PLAC1: variants seen among roughly 807,000 people sequenced by gnomAD.
The protein encoded by PLAC1 is placenta associated 1.
For synonymous variants in PLAC1, 68 were observed against 62.1 expected (o/e 1.09, Z -0.44); for missense variants, 136 against 163.2 (o/e 0.83, Z 0.91).
chrX:134,590,543 G>C (rs2078033606), intron 2 of PLAC1, among the ~76,000 whole-genome samples: 1 of 112,308 alleles, frequency 8.9e-6, no homozygotes, highest in African/African-American at 3.2e-5. Flanking sequence ...TTATATGCAA[G>C]TGTTATAATA....
chrX:134,759,552 C>A (rs1233632683), intron 1 of PLAC1, among the ~76,000 whole-genome samples: 1 of 111,469 alleles, frequency 9.0e-6, no homozygotes. Context: ...GCCATTTGAT[C>A]TAACAATCCC....
chrX:134,633,138 CTT>C (rs1046978947), intron 1 of PLAC1, among the ~76,000 whole-genome samples: 8 of 111,635 alleles, frequency 7.2e-5, no homozygotes, highest in African/African-American at 2.3e-4. Flanking sequence ...TCTTCCCCGT[CTT>C]GTCTCCCCCT....
chrX:134,582,094 A>T (rs2077977907), intron 2 of PLAC1, among the ~76,000 whole-genome samples: 1 of 112,459 alleles, frequency 8.9e-6, no homozygotes, highest in African/African-American at 3.2e-5. Context: ...ATGACTCCAA[A>T]CAGGGAATGG....
chrX:134,669,769 C>T (rs1433304009), intron 2 of PLAC1, among the ~76,000 whole-genome samples: 2 of 112,298 alleles, frequency 1.8e-5, no homozygotes, highest in Admixed American at 9.3e-5. Flanking sequence ...TCCGCAGTAG[C>T]GGAAGACAAG....
rs1569414677 is a variant in PLAC1 at position 134,750,863 on chromosome X, TTATATATATATATTTATAAA to T, written n.89+13351_89+13370del. Among the ~76,000 whole-genome samples the T allele has an allele frequency of 5.7e-3, 109 of 19,138 alleles. 36 individuals are homozygous for T. Among genetic ancestry groups the T allele is most frequent in the African/African-American group, 0.053 (107 of 2,035 alleles). The allele number at this position is 19,138 out of a possible 115,157, so 16.6% of individuals were successfully genotyped here. ...TATATATATTTATATATATATATTT[TTATATATATATATTTATAAA>T]TATATATATATATATTTATATATAT... On this transcript the variant is annotated intron_variant and non_coding_transcript_variant, in intron 1 of 2. Coordinates refer to the PLAC1 transcript ENST00000466797.
chrX:134,613,146 C>T (rs1178125388), intron 1 of PLAC1, among the ~76,000 whole-genome samples: 1 of 110,348 alleles, frequency 9.1e-6, no homozygotes, highest in African/African-American at 3.3e-5. Context: ...ATAGTGAGGC[C>T]CCATCTCCAA....
intron 2 of PLAC1, among the ~76,000 whole-genome samples, chrX:134,708,344 G>C (rs926608041): frequency 1.8e-5 from 2 of 111,155 alleles, no homozygotes; most frequent in African/African-American, 6.6e-5. Flanking sequence ...TGAATCTCCA[G>C]GGAATGAAGA....
At chrX:134,762,821 C>CAAA (rs60721487) in intron 1 of PLAC1, among the ~76,000 whole-genome samples, 15 of 14,817 alleles carry the variant, frequency 1.0e-3, no homozygotes, top group African/African-American at 1.7e-3. Context: ...GGCTCTATCT[C>CAAA]AAAAAAAAAA....
At chrX:134,663,432 A>ATGTG (rs10668252), upstream of PLAC1, among the ~76,000 whole-genome samples, 209 of 108,448 alleles carry the variant, frequency 1.9e-3, 1 homozygote, top group East Asian at 0.03. Context: ...AAATAAAGAT[A>ATGTG]TGTGTGTGTG....
At chrX:134,757,274 A>T (rs1048274636) in intron 1 of PLAC1, among the ~76,000 whole-genome samples, 1 of 113,202 alleles carries the variant, frequency 8.8e-6, no homozygotes, top group African/African-American at 3.2e-5. Context: ...TGGTCAAGTG[A>T]TCCAACTTGG....
At chrX:134,685,446 TC>T (rs1428660584) in intron 2 of PLAC1, among the ~76,000 whole-genome samples, 1 of 91,116 alleles carries the variant, frequency 1.1e-5, no homozygotes, top group African/African-American at 3.9e-5. Flanking sequence ...CAAAATGGCG[TC>T]CCTTTTTTTT....
rs777840518 is a variant in PLAC1, at chrX:134,654,538, T to C, written c.-131+3790A>G. 2.7e-5 allele frequency among the ~76,000 whole-genome samples: 3 copies of C among 112,121 alleles called. No homozygotes were observed. In the East Asian group the frequency reaches 8.4e-4, roughly 32 times the overall value. ...AGAATGAGACAGATCTACACGTGGT[T>C]ATATGGAACAGTCAGGGTGTGCCTG... is the stretch of plus-strand genomic sequence containing the variant. On this transcript the variant is annotated intron_variant, in intron 1 of 2. Coordinates refer to ENST00000359237, the MANE Select transcript of PLAC1 (RefSeq NM_021796.4).
chrX:134,692,535 A>G (rs1248399160), intron 2 of PLAC1, among the ~76,000 whole-genome samples: 1 of 111,741 alleles, frequency 8.9e-6, no homozygotes, highest in Admixed American at 9.5e-5. Context: ...ATTTAGGAAA[A>G]TGTTCAAAAA....
Position 134,566,286 on chromosome X carries a change from C to G in PLAC1, c.397G>C (p.Ala133Pro), listed in dbSNP as rs1448603217. The change falls in exon 3 of 3, where the codon GCC (alanine) becomes CCC (proline). Residue 133 changes from alanine (A) to proline (P), a missense_variant. By Grantham distance (27) the Ala-to-Pro change is conservative. Transcript: ENST00000359237. ...TGGGCTGTGGCCCTGCTCTTGCTGG[C>G]TACTCTCATGGAGCAGGGCTTGGTG... Reference protein sequence around the residue: ...WLTKPCSMRVASKSRATAQKD... With the variant: ...WLTKPCSMRVPSKSRATAQKD... 2 of 1,210,224 alleles carry G rather than the reference C, an allele frequency of 1.7e-6. No individual in the cohort carries two copies. Among genetic ancestry groups the G allele is most frequent in the African/African-American group, 3.5e-5 (2 of 57,223 alleles).
At chrX:134,724,487 C>T (rs1438099456) in intron 2 of PLAC1, among the ~76,000 whole-genome samples, 4 of 112,418 alleles carry the variant, frequency 3.6e-5, no homozygotes, top group Non-Finnish European at 7.5e-5. Flanking sequence ...TCACATCTTC[C>T]TCAAGTGCAC....
chrX:134,580,632 G>C (rs2077969438), intron 2 of PLAC1, among the ~76,000 whole-genome samples: 1 of 111,491 alleles, frequency 9.0e-6, no homozygotes, highest in African/African-American at 3.3e-5. Flanking sequence ...AGGTGGGGAA[G>C]TTAATAGCTT....
intron 2 of PLAC1, among the ~76,000 whole-genome samples, chrX:134,730,198 A>C (rs1043647296): frequency 2.7e-5 from 3 of 112,075 alleles, no homozygotes; most frequent in Non-Finnish European, 5.6e-5. Flanking sequence ...ATATGAGAGA[A>C]AGGTGTGAGC....
intron 2 of PLAC1, chrX:134,601,740 A>G (rs1305175634): frequency 1.8e-5 from 2 of 112,348 alleles, no homozygotes; most frequent in Admixed American, 1.9e-4. Flanking sequence ...TTAAATGGCT[A>G]CTCATTGAGT....
At chrX:134,661,622 G>A (rs977979078), upstream of PLAC1, among the ~76,000 whole-genome samples, 1 of 112,266 alleles carries the variant, frequency 8.9e-6, no homozygotes, top group Non-Finnish European at 1.9e-5. Flanking sequence ...AAGCAGTTGA[G>A]AATAGAGACA....
Sources: gnomAD v4.1 joint callset for allele counts (sites outside exome capture counted in the v4.1 genomes callset) on GRCh38, gnomAD v4.1.1 for gene constraint, MANE v1.5 for transcripts, NCBI Gene and HGNC (gene_info 2026-07-23, HGNC 2026-07-21) for gene names.